The following CTNND2 variants were observed in gnomAD, a reference collection of about 807,000 sequenced individuals.
The protein encoded by CTNND2 is catenin delta-2.
In CTNND2, 22 loss-of-function variants were observed where a neutral mutation model predicts 144.4. The observed-to-expected ratio is 0.15, with a 90% CI of 0.11 to 0.22. The LOEUF (loss-of-function observed/expected upper bound fraction) is 0.22, where lower values mean the gene tolerates loss of function less well. Ranked by LOEUF, CTNND2 falls within the 10% of genes least tolerant of loss-of-function variation. CTNND2 has a pLI of 1.00. For synonymous variants in CTNND2, 751 were observed against 695.6 expected, an observed-to-expected ratio of 1.08 and a Z score of -1.25; for missense variants, 1,353 against 1,618.8, an observed-to-expected ratio of 0.84 and a Z score of 2.82.
At chr5:11,571,992 A>G (rs915743195) in intron 2 of CTNND2, among the ~76,000 whole-genome samples, 5 of 152,066 alleles carry the variant, frequency 3.3e-5, no homozygotes, top group African/African-American at 1.2e-4. Flanking sequence ...CCCACTCTCT[A>G]TGTTTAGGGG....
Position 10,988,324 on chromosome 5 carries a change from A to G in CTNND2, c.3212-82T>C, listed in dbSNP as rs1385756444. On this transcript the variant is annotated intron_variant, in intron 19 of 21. Coordinates refer to ENST00000304623, the MANE Select transcript of CTNND2 (RefSeq NM_001332.4). This position sits in a 1 kb window ranked among gnomAD's most constrained non-coding sequence, Gnocchi z 5.9. ...CTTCCACACAGTCAGGGTCCTCACT[A>G]TGCATGGTCCCGCATCTCAATGCCT... 16 of 1,537,882 alleles carry G rather than the reference A, an allele frequency of 1.0e-5. No individual in the cohort carries two copies. In the East Asian group the frequency reaches 1.4e-4, roughly 13 times the overall value.
At chr5:11,856,347 G>C (rs772600729) in intron 1 of CTNND2, among the ~76,000 whole-genome samples, 2 of 152,202 alleles carry the variant, frequency 1.3e-5, no homozygotes, top group Admixed American at 6.5e-5. Context: ...TGTGGAAGGG[G>C]AGGCTGATGG....
At chr5:11,071,349 C>T (rs1748265157) in intron 16 of CTNND2, among the ~76,000 whole-genome samples, 2 of 152,066 alleles carry the variant, frequency 1.3e-5, no homozygotes, top group South Asian at 4.1e-4. Flanking sequence ...ACCAGTCTGG[C>T]CAGCTTGGCA....
intron 9 of CTNND2, among the ~76,000 whole-genome samples, chr5:11,283,785 T>G (rs909246947): frequency 6.7e-5 from 10 of 148,536 alleles, no homozygotes; most frequent in African/African-American, 2.2e-4. Context: ...AGATTATTCA[T>G]ACATTTTTAG....
At chr5:11,734,393 G>C (rs909781332) in intron 1 of CTNND2, among the ~76,000 whole-genome samples, 25 of 152,162 alleles carry the variant, frequency 1.6e-4, no homozygotes, top group Admixed American at 1.5e-3. Context: ...TTAAATCATA[G>C]GGGCAGGTTT....
chr5:11,106,438 C>G (rs1752434537), intron 14 of CTNND2, among the ~76,000 whole-genome samples: 2 of 152,206 alleles, frequency 1.3e-5, no homozygotes, highest in Non-Finnish European at 2.9e-5. Flanking sequence ...AAATGATAAG[C>G]TGTCATAAAG....
chr5:11,704,139 C>T (rs557214682), intron 2 of CTNND2, among the ~76,000 whole-genome samples: 1 of 152,288 alleles, frequency 6.6e-6, no homozygotes, highest in South Asian at 2.1e-4. Flanking sequence ...TGTAGTCAAG[C>T]TTATTTGAAA....
intron 2 of CTNND2, among the ~76,000 whole-genome samples, chr5:11,566,960 T>C (rs777204824): frequency 2.0e-5 from 3 of 152,096 alleles, no homozygotes; most frequent in Non-Finnish European, 4.4e-5. Context: ...AGAGTTGTTA[T>C]TATGGTGCAG....
intron 3 of CTNND2, among the ~76,000 whole-genome samples, chr5:11,548,901 A>G (rs1775505372): frequency 6.6e-6 from 1 of 152,194 alleles, no homozygotes; most frequent in Non-Finnish European, 1.5e-5. Flanking sequence ...ATTCTGATTA[A>G]TTTTCTTCCT....
chr5:11,257,295 T>C (rs1348806002), intron 9 of CTNND2, among the ~76,000 whole-genome samples: 1 of 152,242 alleles, frequency 6.6e-6, no homozygotes, highest in Non-Finnish European at 1.5e-5. Flanking sequence ...GATTAGCCAT[T>C]GGCACATGTG....
At chr5:11,197,105 C>T (rs1356245897) in intron 11 of CTNND2, among the ~76,000 whole-genome samples, 1 of 152,180 alleles carries the variant, frequency 6.6e-6, no homozygotes, top group African/African-American at 2.4e-5. Context: ...CTAGAATGTT[C>T]TCCTAGATGC....
chr5:11,553,664 A>G (rs1581481108), intron 3 of CTNND2, among the ~76,000 whole-genome samples: 1 of 152,180 alleles, frequency 6.6e-6, no homozygotes, highest in East Asian at 1.9e-4. Flanking sequence ...TGGAATTACA[A>G]ACTCCATGTT....
chr5:11,293,681 C>T (rs16901449), intron 9 of CTNND2, among the ~76,000 whole-genome samples: 18,956 of 150,704 alleles, frequency 0.13, 1,237 homozygotes, highest in Admixed American at 0.15. Context: ...TCAACAGCCC[C>T]GACATTCCTT....
chr5:11,308,329 A>G (rs2150045299), intron 9 of CTNND2, among the ~76,000 whole-genome samples: 1 of 152,286 alleles, frequency 6.6e-6, no homozygotes, highest in East Asian at 1.9e-4. Context: ...TCTGTAAATA[A>G]CTGGATAGTA....
At chr5:11,346,948 T>A (rs1008032221) in intron 8 of CTNND2, among the ~76,000 whole-genome samples, 1 of 83,830 alleles carries the variant, frequency 1.2e-5, no homozygotes, top group African/African-American at 3.5e-5. Flanking sequence ...GAGAATACTT[T>A]CTAAGGAGGC....
At chr5:11,316,718 G>A (rs183510264) in intron 9 of CTNND2, among the ~76,000 whole-genome samples, 1,447 of 126,290 alleles carry the variant, frequency 0.011, 23 homozygotes, top group African/African-American at 0.041. Flanking sequence ...TTCAATTCCC[G>A]CCTATGAGTG....
At chr5:11,103,170 C>T (rs1175214051) in intron 14 of CTNND2, among the ~76,000 whole-genome samples, 3 of 151,186 alleles carry the variant, frequency 2.0e-5, no homozygotes, top group Non-Finnish European at 2.9e-5. Context: ...TTAGTAGAGA[C>T]GGGGTTTCGC....
chr5:11,236,494 A>G (rs1741650067), intron 10 of CTNND2, among the ~76,000 whole-genome samples, 197 bp downstream of exon 10: 1 of 152,202 alleles, frequency 6.6e-6, no homozygotes, highest in Non-Finnish European at 1.5e-5. Flanking sequence ...TCGGTATTCA[A>G]ATACTAAAAA....
At position 10,992,587 on chromosome 5, in the gene CTNND2, T is replaced by C; in HGVS notation, c.3175A>G (p.Ile1059Val). Residue 1059 changes from isoleucine (I) to valine (V), a missense_variant, in exon 19 of 22, where the codon ATC (isoleucine) becomes GTC (valine). Ile to Val is a conservative substitution (Grantham distance 29). This residue lies in a region of CTNND2 where 459 missense variants were observed against 674.3 expected (regional missense o/e 0.68). Transcript: ENST00000304623. ...RPYSSSRTPS[I>V]SPVRVSPNNR... Reference sequence around the variant, plus strand: ...TTGGGAGACACGCGCACAGGGGAGATGGAGGGCGTGCGGGAGGAGGAGTAG... The same window carrying C: ...TTGGGAGACACGCGCACAGGGGAGACGGAGGGCGTGCGGGAGGAGGAGTAG... The C allele has an allele frequency of 6.2e-7, 1 of 1,613,940 alleles. No individual in the cohort carries two copies. Among genetic ancestry groups the C allele is most frequent in the African/African-American group, 1.3e-5 (1 of 74,966 alleles).
Sources: gnomAD v4.1 joint callset for allele counts (sites outside exome capture counted in the v4.1 genomes callset) on GRCh38, gnomAD v4.1.1 for gene constraint, gnomAD v4.1.1 regional missense constraint, Gnocchi (gnomAD v3.1) non-coding constraint, MANE v1.5 for transcripts, NCBI Gene and HGNC (gene_info 2026-07-23, HGNC 2026-07-21) for gene names.